The following KCNH8 variants were observed in gnomAD, a reference collection of about 807,000 sequenced individuals.
The protein encoded by KCNH8 is voltage-gated delayed rectifier potassium channel KCNH8.
A neutral mutation model predicts 103.6 loss-of-function variants in KCNH8; 70 were observed. The ratio of observed to expected loss-of-function variants is 0.68; its 90% CI spans 0.56 to 0.82. KCNH8 has a LOEUF of 0.82. KCNH8 is among the 40% of genes least tolerant of loss of function. KCNH8 has a pLI of 0.00. For missense variants in KCNH8, 1,217 were observed against 1,329.9 expected, an observed-to-expected ratio of 0.92 and a Z score of 1.32; for synonymous variants, 498 against 489.4, an observed-to-expected ratio of 1.02 and a Z score of -0.23.
rs2067423383 is a variant in KCNH8, at chr3:19,450,066, C to T, written c.1376-40C>T. On this transcript the variant is annotated intron_variant, in intron 8 of 15. Coordinates refer to ENST00000328405, the MANE Select transcript of KCNH8 (RefSeq NM_144633.3). ...TAGATTTACGTGGTGGGCCTCATGT[C>T]ACATTTCTCTTCCATTATATACTGT... 4.5e-6 allele frequency: 7 copies of T among 1,554,140 alleles called. No homozygotes were observed. In the East Asian group the frequency reaches 1.6e-4, roughly 35 times the overall value.
intron 1 of KCNH8, among the ~76,000 whole-genome samples, chr3:19,159,981 T>G (rs1273797425): frequency 6.6e-6 from 1 of 152,114 alleles, no homozygotes; most frequent in Non-Finnish European, 1.5e-5. Context: ...AATAAACCTT[T>G]TTGGGATCAA....
chr3:19,431,796 T>C (rs1559325050), intron 7 of KCNH8, among the ~76,000 whole-genome samples: 1 of 152,214 alleles, frequency 6.6e-6, no homozygotes, highest in Non-Finnish European at 1.5e-5. Context: ...ACAGAGGTGT[T>C]TATAACATTC....
chr3:19,462,120 A>AT (rs571618004), intron 11 of KCNH8, among the ~76,000 whole-genome samples: 31 of 152,176 alleles, frequency 2.0e-4, no homozygotes, highest in Non-Finnish European at 3.5e-4. Flanking sequence ...ATGTGTCTTT[A>AT]TGGCAGTATG....
intron 5 of KCNH8, among the ~76,000 whole-genome samples, chr3:19,373,047 A>T (rs904047778): frequency 2.0e-5 from 3 of 151,896 alleles, no homozygotes; most frequent in Admixed American, 1.3e-4. Flanking sequence ...ATCAATGTTC[A>T]TCAAGGATAT....
At chr3:19,487,294 A>G (rs2068230809) in intron 11 of KCNH8, among the ~76,000 whole-genome samples, 1 of 152,210 alleles carries the variant, frequency 6.6e-6, no homozygotes, top group African/African-American at 2.4e-5. Context: ...TGTCCTTAGC[A>G]GGCAGTAGCC....
At chr3:19,158,116 T>C (rs960510056) in intron 1 of KCNH8, among the ~76,000 whole-genome samples, 3 of 151,572 alleles carry the variant, frequency 2.0e-5, no homozygotes, top group African/African-American at 7.2e-5. Context: ...TCAATTTTTT[T>C]CTCCTCCATT....
chr3:19,159,431 A>C (rs774741304), intron 1 of KCNH8, among the ~76,000 whole-genome samples: 2 of 151,974 alleles, frequency 1.3e-5, no homozygotes, highest in Non-Finnish European at 2.9e-5. Context: ...ATATTATTTG[A>C]CTTTGGTAAG....
intron 3 of KCNH8, among the ~76,000 whole-genome samples, chr3:19,302,312 A>G (rs2065073288): frequency 6.6e-6 from 1 of 152,202 alleles, no homozygotes; most frequent in Non-Finnish European, 1.5e-5. Flanking sequence ...CAGAAATACT[A>G]GGAACCTCTA....
Position 19,513,744 on chromosome 3 carries a change from T to C in KCNH8, c.2435+419T>C, listed in dbSNP as rs548200369. On this transcript the variant is annotated intron_variant, in intron 13 of 15. Coordinates refer to ENST00000328405, the MANE Select transcript of KCNH8 (RefSeq NM_144633.3). ...AGGAAGAAAATGAAATGCAGATTTT[T>C]ATTTTTCATACTATTCTTGCCTTAT... is the stretch of plus-strand genomic sequence containing the variant. 2.0e-5 allele frequency among the ~76,000 whole-genome samples: 3 copies of C among 152,308 alleles called. No homozygotes were observed. In the East Asian group the frequency reaches 5.8e-4, roughly 29 times the overall value.
chr3:19,259,804 CACTT>C (rs2064404981), intron 2 of KCNH8, among the ~76,000 whole-genome samples: 1 of 151,600 alleles, frequency 6.6e-6, no homozygotes, highest in South Asian at 2.1e-4. Context: ...CACACACACA[CACTT>C]GTTACAGCAA....
rs1376057674 is a variant in KCNH8, at chr3:19,487,695, C to A, written c.2041-22668C>A. Among the ~76,000 whole-genome samples the A allele has an allele frequency of 2.6e-5, 4 of 152,202 alleles. No homozygotes were observed. The East Asian group carries it at 7.7e-4, about 29-fold the overall frequency. ...GGCTCGGTTAGAAAAAGTCTCTATT[C>A]TTTTTCCTGGGGGACCGTAAGGGCC... On this transcript the variant is annotated intron_variant, in intron 11 of 15. Transcript: ENST00000328405.
chr3:19,385,800 A>G (rs1254783069), intron 5 of KCNH8, among the ~76,000 whole-genome samples: 1 of 152,154 alleles, frequency 6.6e-6, no homozygotes, highest in Admixed American at 6.5e-5. Flanking sequence ...CAATGAAAAA[A>G]ACAGAGTATC....
At chr3:19,383,336 A>G (rs936944141) in intron 5 of KCNH8, among the ~76,000 whole-genome samples, 5 of 152,132 alleles carry the variant, frequency 3.3e-5, no homozygotes, top group Admixed American at 3.3e-4. Context: ...GACAAACATC[A>G]ATTATATTAA....
At chr3:19,503,383 G>A (rs371007158) in intron 11 of KCNH8, among the ~76,000 whole-genome samples, 11 of 152,190 alleles carry the variant, frequency 7.2e-5, no homozygotes, top group East Asian at 1.9e-4. Context: ...TTCCTCAGGG[G>A]TCTAGAACTA....
Position 19,533,575 on chromosome 3 carries a change from T to C in KCNH8, c.2800T>C (p.Cys934Arg), listed in dbSNP as rs2069206603. 6.2e-7 allele frequency: 1 copy of C among 1,614,168 alleles called. No individual in the cohort carries two copies. Among genetic ancestry groups the C allele is most frequent in the Non-Finnish European group, 8.5e-7 (1 of 1,180,018 alleles). Residue 934 changes from cysteine (C) to arginine (R), a missense_variant, in exon 16 of 16, where the codon TGC becomes CGC. Around this residue, in one of 3 missense-constraint regions of KCNH8, gnomAD observed 558 missense variants for 495.8 expected, o/e 1.13. Transcript: ENST00000328405. The stretch of plus-strand genomic sequence containing the variant: ...AACGAGCTGGAGTGCACACCAGCCT[T>C]GCCTACACTTGCAAACAGGCGGGGC... ...TRTSWSAHQP[C>R]LHLQTGGAAY...
At chr3:19,219,578 G>A (rs754773114) in intron 1 of KCNH8, among the ~76,000 whole-genome samples, 3 of 152,152 alleles carry the variant, frequency 2.0e-5, no homozygotes, top group South Asian at 2.1e-4. Flanking sequence ...GTGGGAGAAC[G>A]GCAAAACATA....
At chr3:19,369,476 G>A (rs888307515) in intron 5 of KCNH8, among the ~76,000 whole-genome samples, 3 of 151,842 alleles carry the variant, frequency 2.0e-5, no homozygotes, top group Non-Finnish European at 4.4e-5. Flanking sequence ...TCTCTCCGCT[G>A]TATCACACAC....
chr3:19,355,519 G>A (rs1434854738), intron 5 of KCNH8, among the ~76,000 whole-genome samples: 1 of 152,122 alleles, frequency 6.6e-6, no homozygotes, highest in Admixed American at 6.5e-5. Flanking sequence ...TTAAGAAAAT[G>A]TGGCACATAT....
chr3:19,506,639 G>C (rs1017477939), intron 11 of KCNH8, among the ~76,000 whole-genome samples: 1 of 152,154 alleles, frequency 6.6e-6, no homozygotes, highest in Non-Finnish European at 1.5e-5. Flanking sequence ...GCTGCACACT[G>C]CAATTCTGGA....
Sources: allele counts gnomAD v4.1 joint callset (sites outside exome capture counted in the v4.1 genomes callset), GRCh38; gene constraint gnomAD v4.1.1; regional missense constraint gnomAD v4.1.1; transcripts MANE v1.5; gene names NCBI Gene and HGNC (gene_info 2026-07-23, HGNC 2026-07-21).